PIK3R3: variants seen among roughly 807,000 people sequenced by gnomAD.
PIK3R3 encodes phosphoinositide-3-kinase regulatory subunit 3.
Under a neutral mutation model 62.9 loss-of-function variants are expected in PIK3R3, and 64 were observed. That is an observed-to-expected ratio of 1.02 (90% CI 0.83 to 1.25). The LOEUF is 1.25. PIK3R3 is among the 50% of genes most tolerant of loss of function. PIK3R3 has a pLI of 0.00. For synonymous variants in PIK3R3, 165 were observed against 189.0 expected (o/e 0.87, Z 1.04); for missense variants, 614 against 561.6 (o/e 1.09, Z -0.94).
rs929839260 is a variant in PIK3R3, at chr1:46,055,940, G to T, written c.796C>A (p.Arg266Ser). 2 of 1,596,794 alleles carry T rather than the reference G, an allele frequency of 1.3e-6. No homozygotes were observed. The highest frequency in any genetic ancestry group is 4.5e-5 in the East Asian group (2 of 44,668). The part of the protein sequence containing the change: ...IMMNYDKLKS[R>S]LGEIHDSKMR... ...TTGCTATCATGAATCTCACCCAGAC[G>T]TGATTTCAATTTATCATAATTCATC... Residue 266 changes from arginine (R) to serine (S), a missense_variant, in exon 7 of 10, where the codon CGT (arginine) becomes AGT (serine). By Grantham distance (110) the Arg-to-Ser change is moderately radical. Transcript: ENST00000262741.
chr1:46,167,285 C>A, the PIK3R3 span, among the ~76,000 whole-genome samples: 1 of 152,362 alleles, frequency 6.6e-6, no homozygotes, highest in African/African-American at 2.4e-5. Flanking sequence ...TGCCAAAGCT[C>A]CGAAGCTCTG....
chr1:46,143,656 T>A, the PIK3R3 span, among the ~76,000 whole-genome samples: 1 of 150,946 alleles, frequency 6.6e-6, no homozygotes, highest in Non-Finnish European at 1.5e-5. Context: ...GAAAAAAAAT[T>A]TTTTTTTTTA....
chr1:46,101,923 GTATTT>G (rs1319872821), intron 1 of PIK3R3, among the ~76,000 whole-genome samples: 1 of 147,286 alleles, frequency 6.8e-6, no homozygotes, highest in Non-Finnish European at 1.5e-5. Context: ...TTTGTCATTC[GTATTT>G]TATAACTTTA....
At chr1:46,045,515 G>A (rs1411953748) in intron 9 of PIK3R3, among the ~76,000 whole-genome samples, 1 of 146,294 alleles carries the variant, frequency 6.8e-6, no homozygotes, top group African/African-American at 2.5e-5. Context: ...TTTAGATAGA[G>A]TTTTCCTTCT....
chr1:46,132,436 C>T lies in PIK3R3; in HGVS notation c.-484G>A. The T allele has an allele frequency of 8.7e-7, 1 of 1,151,956 alleles. No homozygotes were observed. Among genetic ancestry groups the T allele is most frequent in the Middle Eastern group, 4.1e-4 (1 of 2,442 alleles). The allele number at this position is 1,151,956 out of a possible 1,614,324, so 71.4% of individuals were successfully genotyped here. A position where few individuals can be genotyped will look rare whatever the true frequency, so the allele number is the denominator to read the frequency against. On this transcript the variant is annotated 5_prime_UTR_variant, in exon 1 of 10. Coordinates refer to ENST00000262741, the MANE Select transcript of PIK3R3 (RefSeq NM_003629.4). ...GGAGATTGCGTTCAAGTTTCGGGGT[C>T]CCACTGGTCTGCAGAGAGCGAATCC...
chr1:46,111,034 C>T (rs1011496447), intron 1 of PIK3R3, among the ~76,000 whole-genome samples: 4 of 152,034 alleles, frequency 2.6e-5, no homozygotes, highest in African/African-American at 4.8e-5. Context: ...AAGTAAGATA[C>T]GTAGCTGCCT....
chr1:46,054,939 G>A (rs1014669797), intron 7 of PIK3R3, among the ~76,000 whole-genome samples: 1 of 152,124 alleles, frequency 6.6e-6, no homozygotes, highest in African/African-American at 2.4e-5. Flanking sequence ...GACTCACTCT[G>A]TTGCCCAGGC....
chr1:46,104,697 G>A (rs1653020329), intron 1 of PIK3R3, among the ~76,000 whole-genome samples: 2 of 152,058 alleles, frequency 1.3e-5, no homozygotes, highest in South Asian at 4.1e-4. Context: ...GGAAGGCTGA[G>A]GCAGGTGGAT....
At position 46,045,800 on chromosome 1, in the gene PIK3R3, G is replaced by A. The variant is rs186081183; in HGVS notation, c.1187+118C>T. The A allele has an allele frequency of 1.5e-3, 1,268 of 853,838 alleles. 2 individuals are homozygous for A. Among genetic ancestry groups the A allele is most frequent in the Non-Finnish European group, 1.9e-3 (1,007 of 523,598 alleles). The allele number at this position is 853,838 out of a possible 1,614,324, so 52.9% of individuals were successfully genotyped here. A position where few individuals can be genotyped will look rare whatever the true frequency, so the allele number is the denominator to read the frequency against. The stretch of plus-strand genomic sequence containing the variant: ...TTTTTTGTACTAATAGTTATGGTCC[G>A]AGCCATGGGTCCTCGTTACTGTACA... On this transcript the variant is annotated intron_variant, in intron 9 of 9. Coordinates refer to ENST00000262741, the MANE Select transcript of PIK3R3 (RefSeq NM_003629.4).
At chr1:46,135,235 A>G (rs1655885627), upstream of PIK3R3, among the ~76,000 whole-genome samples, 1 of 152,196 alleles carries the variant, frequency 6.6e-6, no homozygotes. Context: ...AAGTTGGAGA[A>G]TTATATTTGA....
chr1:46,055,128 G>C (rs1647759821), intron 7 of PIK3R3, among the ~76,000 whole-genome samples: 1 of 91,152 alleles, frequency 1.1e-5, no homozygotes. Context: ...TTTTTTCCCA[G>C]ATGGAGTCTC....
chr1:46,066,214 C>G, intron 4 of PIK3R3, 35 bp from the exon 5 acceptor site: 1 of 1,393,264 alleles, frequency 7.2e-7, no homozygotes. Context: ...AGAATGTTAA[C>G]AATTCTGACA....
chr1:46,092,476 G>A (rs537601095), intron 1 of PIK3R3, among the ~76,000 whole-genome samples: 2 of 152,240 alleles, frequency 1.3e-5, no homozygotes, highest in African/African-American at 4.8e-5. Context: ...CAATTCTCCT[G>A]CCTCAGCCTC....
At chr1:46,147,085 A>G in the PIK3R3 span, among the ~76,000 whole-genome samples, 2 of 152,150 alleles carry the variant, frequency 1.3e-5, no homozygotes, top group South Asian at 4.1e-4. Context: ...CTACTTTTGC[A>G]GCAGGAACTC....
At chr1:46,098,216 C>T (rs1202002897) in intron 1 of PIK3R3, among the ~76,000 whole-genome samples, 2 of 152,162 alleles carry the variant, frequency 1.3e-5, no homozygotes, top group Non-Finnish European at 2.9e-5. Flanking sequence ...TGACATACTA[C>T]CTCACATCCA....
chr1:46,149,727 C>T, the PIK3R3 span, among the ~76,000 whole-genome samples: 65 of 151,964 alleles, frequency 4.3e-4, 1 homozygote, highest in Admixed American at 4.6e-4. Flanking sequence ...GGCGGGATTT[C>T]GCCAAGTTGG....
chr1:46,121,208 T>C (rs1654644852), intron 1 of PIK3R3, among the ~76,000 whole-genome samples: 1 of 152,238 alleles, frequency 6.6e-6, no homozygotes, highest in African/African-American at 2.4e-5. Context: ...TGAAAACATA[T>C]GAATTAAACA....
the PIK3R3 span, among the ~76,000 whole-genome samples, chr1:46,172,743 T>C: frequency 6.6e-6 from 1 of 152,110 alleles, no homozygotes; most frequent in South Asian, 2.1e-4. Context: ...CTGTAATCCC[T>C]GCACTTTGGA....
At chr1:46,137,785 G>A (rs1655983244), upstream of PIK3R3, among the ~76,000 whole-genome samples, 1 of 152,240 alleles carries the variant, frequency 6.6e-6, no homozygotes, top group Admixed American at 6.5e-5. Context: ...TGGGTAGCCA[G>A]TGAATATTCT....
Sources: allele counts gnomAD v4.1 joint callset (sites outside exome capture counted in the v4.1 genomes callset), GRCh38; gene constraint gnomAD v4.1.1; transcripts MANE v1.5; gene names NCBI Gene and HGNC (gene_info 2026-07-23, HGNC 2026-07-21).